Variants in PRKAG2 observed in about 807,000 individuals in gnomAD.
The protein encoded by PRKAG2 is 5'-AMP-activated protein kinase subunit gamma-2.
In PRKAG2, 26 loss-of-function variants were observed where a neutral mutation model predicts 69.6. That is an observed-to-expected ratio of 0.37 (90% CI 0.27 to 0.52). The LOEUF is 0.52. Ranked by LOEUF, PRKAG2 falls within the 20% of genes least tolerant of loss-of-function variation. The pLI, the probability that PRKAG2 is intolerant of heterozygous loss-of-function variation, is 0.90. For synonymous variants in PRKAG2, 293 were observed against 285.0 expected (o/e 1.03, Z -0.28); for missense variants, 557 against 740.0 (o/e 0.75, Z 2.87).
rs144077131 is a variant in PRKAG2, at chr7:151,564,160, C to T, written c.1502G>A (p.Arg501His). Residue 501 changes from arginine (R) to histidine (H), a missense_variant, in exon 14 of 16, where the codon CGT (arginine) becomes CAT (histidine). By Grantham distance (29) the Arg-to-His change is conservative (BLOSUM62 0). This residue lies in a region of PRKAG2 where 205 missense variants were observed against 383.4 expected (regional missense o/e 0.53). Transcript: ENST00000287878. ...CACAACACCTTCAAAATACTGTGAA[C>T]GGTGCTGAAGGGCCTGGGTCACCGT... ...DITVTQALQH[R>H]SQYFEGVVKC... 2.5e-6 allele frequency: 4 copies of T among 1,614,006 alleles called. No individual in the cohort carries two copies. Among genetic ancestry groups the T allele is most frequent in the Admixed American group, 1.7e-5 (1 of 60,006 alleles).
chr7:151,584,073 C>A (rs1260401413), intron 6 of PRKAG2, among the ~76,000 whole-genome samples: 1 of 152,186 alleles, frequency 6.6e-6, no homozygotes, highest in African/African-American at 2.4e-5. Flanking sequence ...GAAATACGGT[C>A]GTCGAGACTC....
chr7:151,742,066 G>T (rs1255357976), intron 3 of PRKAG2, among the ~76,000 whole-genome samples: 1 of 152,224 alleles, frequency 6.6e-6, no homozygotes, highest in Non-Finnish European at 1.5e-5. Flanking sequence ...GAGGGTCAGA[G>T]AAGTAGTTTG....
At chr7:151,646,538 T>C (rs893311258) in intron 4 of PRKAG2, among the ~76,000 whole-genome samples, 1 of 152,232 alleles carries the variant, frequency 6.6e-6, no homozygotes, top group Non-Finnish European at 1.5e-5. Flanking sequence ...TCCTGTGACC[T>C]TGCTAAATTC....
chr7:151,722,911 AG>A (rs1180160354), intron 3 of PRKAG2, among the ~76,000 whole-genome samples: 2 of 152,068 alleles, frequency 1.3e-5, no homozygotes, highest in Non-Finnish European at 2.9e-5. Flanking sequence ...TGAGCACCCC[AG>A]CCCCACAACC....
At chr7:151,668,207 T>G (rs2151448367) in intron 4 of PRKAG2, among the ~76,000 whole-genome samples, 1 of 152,340 alleles carries the variant, frequency 6.6e-6, no homozygotes, top group Non-Finnish European at 1.5e-5. Flanking sequence ...TTCTCTCTCT[T>G]GCCAGGTGAT....
chr7:151,639,414 C>T lies in PRKAG2; in HGVS notation c.685-7276G>A, dbSNP rs949178275. Among the ~76,000 whole-genome samples the T allele has an allele frequency of 7.9e-5, 12 of 152,266 alleles. No homozygotes were observed. The East Asian group carries it at 1.9e-3, about 25-fold the overall frequency. ...TCATCTTGACTGGATTAAGGAACAC[C>T]TAGACAACCGGTAAAGCATTATTTC... On this transcript the variant is annotated intron_variant, in intron 4 of 15. Transcript: ENST00000287878.
At chr7:151,715,428 A>G (rs1586004164) in intron 3 of PRKAG2, among the ~76,000 whole-genome samples, 2 of 151,088 alleles carry the variant, frequency 1.3e-5, no homozygotes. Flanking sequence ...GCTCACTGCA[A>G]CCTCCACTTC....
chr7:151,868,425 G>A (rs1028799811), intron 1 of PRKAG2, among the ~76,000 whole-genome samples: 8 of 152,240 alleles, frequency 5.3e-5, no homozygotes, highest in Non-Finnish European at 8.8e-5. Context: ...CCCGAAGGAC[G>A]CAGCTGAACT....
At chr7:151,677,877 C>G (rs1339671007) in intron 3 of PRKAG2, among the ~76,000 whole-genome samples, 1 of 152,250 alleles carries the variant, frequency 6.6e-6, no homozygotes, top group Admixed American at 6.5e-5. Flanking sequence ...GGAGTCTACT[C>G]TGGCTCAGAA....
intron 1 of PRKAG2, among the ~76,000 whole-genome samples, chr7:151,839,868 A>AGCAGAGGAAGCTGAGCAGGGCG (rs993795306): frequency 3.3e-5 from 5 of 152,210 alleles, no homozygotes; most frequent in African/African-American, 1.2e-4. Context: ...CAGGAGCCAC[A>AGCAGAGGAAGCTGAGCAGGGCG]GCAGAGGAAG....
chr7:151,783,245 G>A (rs565312796), intron 2 of PRKAG2, among the ~76,000 whole-genome samples: 2 of 151,476 alleles, frequency 1.3e-5, no homozygotes, highest in South Asian at 2.1e-4. Context: ...GGCCTGGCGC[G>A]GACACCTTCG....
At position 151,855,030 on chromosome 7, in the gene PRKAG2, TGCTCCACACACACCGC is replaced by T. The variant is rs1563756568; in HGVS notation, c.114+21461_114+21476del. 1.5e-3 allele frequency among the ~76,000 whole-genome samples: 24 copies of T among 15,848 alleles called. 2 individuals are homozygous for T. Among genetic ancestry groups the T allele is most frequent in the East Asian group, 5.2e-3 (2 of 386 alleles). The allele number at this position is 15,848 out of a possible 152,430, so 10.4% of individuals were successfully genotyped here. A position where few individuals can be genotyped will look rare whatever the true frequency, so the allele number is the denominator to read the frequency against. ...CACACACCACCCTCCACACACACCA[TGCTCCACACACACCGC>T]CCTCCACACACACCATCCTCCACAC... On this transcript the variant is annotated intron_variant, in intron 1 of 15. Coordinates refer to ENST00000287878, the MANE Select transcript of PRKAG2 (RefSeq NM_016203.4).
chr7:151,660,415 T>C (rs1830141215), intron 4 of PRKAG2, among the ~76,000 whole-genome samples: 1 of 152,214 alleles, frequency 6.6e-6, no homozygotes, highest in African/African-American at 2.4e-5. Context: ...AGTGAGCCAT[T>C]CTACTGAAAT....
chr7:151,575,621 C>T (rs1024635394), intron 7 of PRKAG2, among the ~76,000 whole-genome samples: 2 of 152,162 alleles, frequency 1.3e-5, no homozygotes, highest in African/African-American at 4.8e-5. Flanking sequence ...AGACATCAGT[C>T]ATGTTTACAG....
At chr7:151,795,892 A>G (rs1478863524) in intron 1 of PRKAG2, among the ~76,000 whole-genome samples, 2 of 95,172 alleles carry the variant, frequency 2.1e-5, no homozygotes, top group African/African-American at 8.7e-5. Flanking sequence ...TATATATATC[A>G]CGATAATATG....
At chr7:151,782,680 C>G (rs536669792) in intron 2 of PRKAG2, among the ~76,000 whole-genome samples, 1 of 152,302 alleles carries the variant, frequency 6.6e-6, no homozygotes, top group South Asian at 2.1e-4. Context: ...GCTGAGCCAA[C>G]CTGGGCATGT....
At chr7:151,728,674 T>C (rs1044060860) in intron 3 of PRKAG2, among the ~76,000 whole-genome samples, 1 of 152,180 alleles carries the variant, frequency 6.6e-6, no homozygotes, top group South Asian at 2.1e-4. Context: ...CTGGAATTGT[T>C]TGTCCAGTGT....
chr7:151,697,312 C>T (rs911704705), intron 3 of PRKAG2, among the ~76,000 whole-genome samples: 10 of 152,086 alleles, frequency 6.6e-5, no homozygotes, highest in Non-Finnish European at 1.0e-4. Context: ...GACCTGTGTC[C>T]GAGCATCAGG....
chr7:151,624,731 G>T (rs754698322), intron 5 of PRKAG2, among the ~76,000 whole-genome samples: 1 of 152,144 alleles, frequency 6.6e-6, no homozygotes, highest in Non-Finnish European at 1.5e-5. Flanking sequence ...GTCACCCACC[G>T]TCGGGTGGAG....
Sources: allele counts gnomAD v4.1 joint callset (sites outside exome capture counted in the v4.1 genomes callset), GRCh38; gene constraint gnomAD v4.1.1; regional missense constraint gnomAD v4.1.1; transcripts MANE v1.5; gene names NCBI Gene and HGNC (gene_info 2026-07-23, HGNC 2026-07-21).